SMOC2: variants seen among roughly 807,000 people sequenced by gnomAD.
SMOC2 encodes the protein SPARC-related modular calcium-binding protein 2.
SMOC2 carries 39 observed loss-of-function variants against 61.4 expected under a neutral mutation model. The ratio of observed to expected loss-of-function variants is 0.64; its 90% CI spans 0.49 to 0.83. SMOC2 has a LOEUF of 0.83. SMOC2 is among the 40% of genes least tolerant of loss of function. SMOC2 has a pLI of 0.00. For synonymous variants in SMOC2, 247 were observed against 239.9 expected, an observed-to-expected ratio of 1.03 and a Z score of -0.27; for missense variants, 556 against 592.9, an observed-to-expected ratio of 0.94 and a Z score of 0.65.
In SMOC2 at chr6:168,543,653, C is replaced by T. The variant is rs145336587; in HGVS notation, c.492C>T (p.Arg164=). ...PGSVNEKLPQ[R]EGTGKTDDAA... is the part of the protein sequence containing the mutation. ...CCGTAAATGAAAAGTTACCCCAACG[C>T]GAAGGCACAGGAAAAACAGGTAACT... The change falls in exon 5 of 13, where the codon CGC becomes CGT. Residue 164 remains arginine (R), a synonymous_variant. Transcript: ENST00000356284. 1.4e-4 allele frequency: 219 copies of T among 1,613,584 alleles called. 2 individuals are homozygous for T. The highest frequency in any genetic ancestry group is 1.1e-3 in the South Asian group (97 of 90,986).
At chr6:168,443,494 T>G (rs537249213) in intron 1 of SMOC2, among the ~76,000 whole-genome samples, 35 of 152,274 alleles carry the variant, frequency 2.3e-4, no homozygotes, top group African/African-American at 7.9e-4. Context: ...GAAATTTACA[T>G]TTGCAAATAA....
rs1053660000 is a variant in SMOC2, at chr6:168,544,833, G to A, written c.511+1161G>A. ...CACTGACATTTTGGAGGGACAAGCTGGCATGAAAGTAAATGTCAGGCTTTC... is the reference window on the plus strand; with the variant it reads ...CACTGACATTTTGGAGGGACAAGCTAGCATGAAAGTAAATGTCAGGCTTTC... On this transcript the variant is annotated intron_variant, in intron 5 of 12. Coordinates refer to ENST00000356284, the MANE Select transcript of SMOC2 (RefSeq NM_001166412.2). The surrounding 1 kb of genome is among the most constrained non-coding windows in gnomAD (Gnocchi z 4.1). 2.6e-5 allele frequency among the ~76,000 whole-genome samples: 4 copies of A among 152,168 alleles called. No homozygotes were observed. Among genetic ancestry groups the A allele is most frequent in the African/African-American group, 9.7e-5 (4 of 41,430 alleles).
At chr6:168,615,907 T>C (rs1786076667) in intron 9 of SMOC2, among the ~76,000 whole-genome samples, 1 of 152,250 alleles carries the variant, frequency 6.6e-6, no homozygotes, top group South Asian at 2.1e-4. Flanking sequence ...GAAGATTAGT[T>C]ATGGTTTTCT....
chr6:168,641,341 C>T (rs1350026804), intron 9 of SMOC2, among the ~76,000 whole-genome samples: 1 of 152,184 alleles, frequency 6.6e-6, no homozygotes, highest in Non-Finnish European at 1.5e-5. Context: ...ACAGCACTGA[C>T]GTCAACCTTA....
At chr6:168,638,729 C>CGTCA (rs1046975524) in intron 9 of SMOC2, among the ~76,000 whole-genome samples, 1 of 152,128 alleles carries the variant, frequency 6.6e-6, no homozygotes, top group African/African-American at 2.4e-5. Context: ...GGGCGGCTGA[C>CGTCA]AGGTGTAGGG....
chr6:168,557,586 C>T (rs913680551), intron 7 of SMOC2, among the ~76,000 whole-genome samples: 1 of 152,234 alleles, frequency 6.6e-6, no homozygotes, highest in African/African-American at 2.4e-5. Context: ...TGCCTTACTT[C>T]GTTTTCTAAA....
chr6:168,614,614 C>T (rs74568109), intron 9 of SMOC2, among the ~76,000 whole-genome samples: 20 of 64,376 alleles, frequency 3.1e-4, no homozygotes, highest in African/African-American at 5.7e-4. Flanking sequence ...GGCCTCTTCA[C>T]ACCTACAGCC....
intron 2 of SMOC2, among the ~76,000 whole-genome samples, chr6:168,518,592 A>C (rs902889355): frequency 7.8e-6 from 1 of 128,876 alleles, no homozygotes; most frequent in Non-Finnish European, 1.6e-5. Flanking sequence ...TATGTGTGTG[A>C]ATGTGTGTTC....
At chr6:168,645,671 G>A (rs1437019224) in intron 9 of SMOC2, among the ~76,000 whole-genome samples, 1 of 152,194 alleles carries the variant, frequency 6.6e-6, no homozygotes, top group African/African-American at 2.4e-5. Flanking sequence ...GTGACCCCAA[G>A]GTGCCCAGCA....
chr6:168,481,197 C>T, intron 1 of SMOC2, among the ~76,000 whole-genome samples: 1 of 152,084 alleles, frequency 6.6e-6, no homozygotes, highest in East Asian at 1.9e-4. Context: ...ATCATTGTAA[C>T]ATGGTTTAAA....
Position 168,544,528 on chromosome 6 carries a change from C to A in SMOC2, c.511+856C>A, listed in dbSNP as rs1007300856. Among the ~76,000 whole-genome samples the A allele has an allele frequency of 2.0e-5, 3 of 152,054 alleles. No homozygotes were observed. The highest frequency in any genetic ancestry group is 4.4e-5 in the Non-Finnish European group (3 of 68,018). On this transcript the variant is annotated intron_variant, in intron 5 of 12. Transcript: ENST00000356284. The surrounding 1 kb of genome is among the most constrained non-coding windows in gnomAD (Gnocchi z 4.1). ...TCTCTACTAAAAAGACAAAAATTAA[C>A]CAGGCATGGTGGTGCATGCCTGTAA... is the stretch of plus-strand genomic sequence containing the variant.
intron 7 of SMOC2, among the ~76,000 whole-genome samples, chr6:168,551,427 A>T (rs766337478): frequency 8.4e-4 from 10 of 11,964 alleles, no homozygotes; most frequent in African/African-American, 2.1e-3. Flanking sequence ...ACTTTATTTT[A>T]TTTATTTATT....
At position 168,453,345 on chromosome 6, in the gene SMOC2, C is replaced by T. The variant is rs547264994; in HGVS notation, c.84+11891C>T. 2.1e-4 allele frequency among the ~76,000 whole-genome samples: 32 copies of T among 152,270 alleles called. No homozygotes were observed. The South Asian group carries it at 6.2e-3, about 30-fold the overall frequency. Reference sequence around the variant, plus strand: ...GGCTGTGCCTTTGTCTCCGGGTCTCCTCCTCACTCTTCTCAGTCTACCCTG... The same window carrying T: ...GGCTGTGCCTTTGTCTCCGGGTCTCTTCCTCACTCTTCTCAGTCTACCCTG... On this transcript the variant is annotated intron_variant, in intron 1 of 12. Transcript: ENST00000356284. This position sits in a 1 kb window ranked among gnomAD's most constrained non-coding sequence, Gnocchi z 4.4.
At chr6:168,516,767 T>G (rs974089323) in intron 2 of SMOC2, among the ~76,000 whole-genome samples, 1 of 152,130 alleles carries the variant, frequency 6.6e-6, no homozygotes, top group Non-Finnish European at 1.5e-5. Context: ...GCCAGCATAG[T>G]GAAACCTCGT....
Position 168,666,700 on chromosome 6 carries a change from A to T in SMOC2, c.*262A>T, listed in dbSNP as rs1787671037. ...ATGTGGTGGAGAAGTATTTGAATGC[A>T]TTTAGGCTTAATTTCTTCGCCTTCC... On this transcript the variant is annotated 3_prime_UTR_variant, in exon 13 of 13. Coordinates refer to ENST00000356284, the MANE Select transcript of SMOC2 (RefSeq NM_001166412.2). 1 of 522,504 alleles carries T rather than the reference A, an allele frequency of 1.9e-6. No individual in the cohort carries two copies. The highest frequency in any genetic ancestry group is 1.9e-5 in the African/African-American group (1 of 52,056). The allele number at this position is 522,504 out of a possible 1,614,324, so 32.4% of individuals were successfully genotyped here.
At chr6:168,626,393 C>A (rs1449555436) in intron 9 of SMOC2, among the ~76,000 whole-genome samples, 1 of 152,180 alleles carries the variant, frequency 6.6e-6, no homozygotes, top group Non-Finnish European at 1.5e-5. Flanking sequence ...TTTCTGCAGG[C>A]ACAGCTCGGA....
At chr6:168,623,845 G>T (rs1406298141) in intron 9 of SMOC2, among the ~76,000 whole-genome samples, 2 of 152,184 alleles carry the variant, frequency 1.3e-5, no homozygotes, top group African/African-American at 4.8e-5. Context: ...CAAGACTGGG[G>T]CAGCCAGAGT....
At chr6:168,560,492 T>C (rs555219467) in intron 7 of SMOC2, among the ~76,000 whole-genome samples, 17 of 151,164 alleles carry the variant, frequency 1.1e-4, no homozygotes, top group South Asian at 4.2e-4. Context: ...CCCACCTTTC[T>C]GGCCCTGAGA....
chr6:168,549,325 G>A (rs1302313093), intron 7 of SMOC2, 122 bp downstream of exon 7: 2 of 808,574 alleles, frequency 2.5e-6, no homozygotes, highest in Non-Finnish European at 4.0e-6. Flanking sequence ...GGGGTGAGGG[G>A]TGCAGACCTG....
Sources: allele counts gnomAD v4.1 joint callset (sites outside exome capture counted in the v4.1 genomes callset), GRCh38; gene constraint gnomAD v4.1.1; non-coding constraint Gnocchi (gnomAD v3.1); transcripts MANE v1.5; gene names NCBI Gene and HGNC (gene_info 2026-07-23, HGNC 2026-07-21).